The following TMEM117 variants were observed in gnomAD, a reference collection of about 807,000 sequenced individuals.
The protein encoded by TMEM117 is transmembrane protein 117.
Under a neutral mutation model 52.4 loss-of-function variants are expected in TMEM117, and 27 were observed. That is an observed-to-expected ratio of 0.51 (90% CI 0.38 to 0.71). The LOEUF is 0.71. Among genes scored for constraint, TMEM117 ranks in the 30% least tolerant of loss-of-function variants. The pLI is 0.00. For missense variants in TMEM117, 556 were observed against 630.5 expected, an observed-to-expected ratio of 0.88 and a Z score of 1.26; for synonymous variants, 215 against 206.3, an observed-to-expected ratio of 1.04 and a Z score of -0.36.
the TMEM117 span, chr12:43,805,870 C>G: frequency 9.8e-5 from 141 of 1,435,274 alleles, no homozygotes; most frequent in Admixed American, 2.4e-4. Flanking sequence ...GTCGCCTCCA[C>G]TGTCCCAGCT....
rs562360310 is a variant in TMEM117, at chr12:43,918,784, A to C, written c.278-25426A>C. Among the ~76,000 whole-genome samples, 388 of 152,308 alleles carry C rather than the reference A, an allele frequency of 2.5e-3. 2 individuals are homozygous for C. Among genetic ancestry groups the C allele is most frequent in the African/African-American group, 8.6e-3 (358 of 41,562 alleles). On this transcript the variant is annotated intron_variant, in intron 2 of 7. Transcript: ENST00000266534. Reference sequence around the variant, plus strand: ...TACCAACACTCAAAAGCATTTTAATATTCTCACCATGCCTCTGAAAATACT... The same window carrying C: ...TACCAACACTCAAAAGCATTTTAATCTTCTCACCATGCCTCTGAAAATACT...
chr12:43,929,464 C>T (rs992401541), intron 2 of TMEM117, among the ~76,000 whole-genome samples: 3 of 152,000 alleles, frequency 2.0e-5, no homozygotes, highest in Non-Finnish European at 2.9e-5. Flanking sequence ...TTTATTGACC[C>T]CTTCTGCCTT....
intron 2 of TMEM117, among the ~76,000 whole-genome samples, chr12:43,846,035 C>T (rs1943202094): frequency 6.6e-6 from 1 of 152,048 alleles, no homozygotes; most frequent in Non-Finnish European, 1.5e-5. Context: ...AGCACATTTT[C>T]ATTAAATATA....
the TMEM117 span, chr12:43,800,639 A>G: frequency 1.4e-5 from 11 of 784,742 alleles, no homozygotes; most frequent in African/African-American, 1.9e-4. Flanking sequence ...AACAAAACTG[A>G]GCTGAAGTCC....
At chr12:43,811,095 A>G in the TMEM117 span, among the ~76,000 whole-genome samples, 1 of 152,246 alleles carries the variant, frequency 6.6e-6, no homozygotes, top group Non-Finnish European at 1.5e-5. Flanking sequence ...TAACAAAACA[A>G]CTAATATTTG....
chr12:44,161,238 G>A (rs1179820163), intron 4 of TMEM117, among the ~76,000 whole-genome samples: 1 of 152,142 alleles, frequency 6.6e-6, no homozygotes, highest in African/African-American at 2.4e-5. Flanking sequence ...TTTTGCGTCT[G>A]TTCCTATCTT....
At chr12:44,208,805 C>A (rs17094235) in intron 4 of TMEM117, among the ~76,000 whole-genome samples, 35,246 of 136,716 alleles carry the variant, frequency 0.26, 7,497 homozygotes, top group African/African-American at 0.59. Context: ...CATTTTTACA[C>A]AACATGCAGC....
the TMEM117 span, among the ~76,000 whole-genome samples, chr12:43,823,954 T>A: frequency 6.6e-6 from 1 of 152,250 alleles, no homozygotes; most frequent in South Asian, 2.1e-4. Context: ...TAACAATAGT[T>A]TGACAAATTA....
intron 7 of TMEM117, among the ~76,000 whole-genome samples, chr12:44,381,970 G>A (rs567438666): frequency 2.0e-5 from 3 of 152,210 alleles, no homozygotes; most frequent in South Asian, 2.1e-4. Context: ...GAAAGTCCCC[G>A]AAGATCATGA....
At chr12:43,864,883 G>C (rs528713238) in intron 2 of TMEM117, among the ~76,000 whole-genome samples, 1 of 152,094 alleles carries the variant, frequency 6.6e-6, no homozygotes, top group East Asian at 1.9e-4. Flanking sequence ...GCCTTTATGA[G>C]CTGTAACACT....
chr12:44,257,418 C>T (rs573429577), intron 5 of TMEM117, among the ~76,000 whole-genome samples: 1 of 152,074 alleles, frequency 6.6e-6, no homozygotes, highest in Non-Finnish European at 1.5e-5. Context: ...CAGATCTTGA[C>T]ACAATGTCTA....
chr12:44,075,132 C>G (rs970970592), intron 3 of TMEM117, among the ~76,000 whole-genome samples: 3 of 152,088 alleles, frequency 2.0e-5, no homozygotes, highest in Non-Finnish European at 4.4e-5. Context: ...GAGACTAGAC[C>G]AGGGTTATTT....
intron 2 of TMEM117, among the ~76,000 whole-genome samples, chr12:43,933,933 G>A (rs3925073): frequency 0.17 from 26,290 of 152,064 alleles, 3,479 homozygotes; most frequent in African/African-American, 0.36. Context: ...TTATAAAAAT[G>A]GATTCAAAGA....
At chr12:44,024,487 T>C (rs1010820541) in intron 3 of TMEM117, among the ~76,000 whole-genome samples, 2 of 152,024 alleles carry the variant, frequency 1.3e-5, no homozygotes, top group Non-Finnish European at 2.9e-5. Flanking sequence ...AGGGGGATTA[T>C]TTAGTATCTC....
Position 44,090,839 on chromosome 12 carries a change from G to GTTTTTT in TMEM117, c.411-52682_411-52677dup, listed in dbSNP as rs1264179472. Among the ~76,000 whole-genome samples the GTTTTTT allele has an allele frequency of 5.4e-3, 566 of 104,702 alleles. 50 individuals carry two copies. The highest frequency in any genetic ancestry group is 0.021 in the African/African-American group (459 of 22,080). The allele number at this position is 104,702 out of a possible 152,430, so 68.7% of individuals were successfully genotyped here. ...CTAATTCTTAATCCTGTATTTATGTGTTTTTTTTTGTTTTTTTTTTTTTTT... is the reference window on the plus strand; with the variant it reads ...CTAATTCTTAATCCTGTATTTATGTGTTTTTTTTTTTTTTTGTTTTTTTTTTTTTTT... On this transcript the variant is annotated intron_variant, in intron 3 of 7. Coordinates refer to ENST00000266534, the MANE Select transcript of TMEM117 (RefSeq NM_032256.3).
chr12:43,885,512 A>C (rs1943978208), intron 2 of TMEM117, among the ~76,000 whole-genome samples: 1 of 151,480 alleles, frequency 6.6e-6, no homozygotes, highest in African/African-American at 2.4e-5. Context: ...ACATTAGGGA[A>C]ACGCAGCCAA....
intron 6 of TMEM117, among the ~76,000 whole-genome samples, chr12:44,315,109 G>A (rs1014649437): frequency 1.3e-5 from 2 of 152,000 alleles, no homozygotes; most frequent in Non-Finnish European, 2.9e-5. Context: ...TATCACCTTT[G>A]TTGTTTCAAA....
chr12:43,822,324 C>A, the TMEM117 span, among the ~76,000 whole-genome samples: 1 of 152,154 alleles, frequency 6.6e-6, no homozygotes, highest in Non-Finnish European at 1.5e-5. Context: ...ACATTACAAA[C>A]TTTGGTTTTT....
the TMEM117 span, chr12:43,798,514 A>G: frequency 2.7e-6 from 4 of 1,474,582 alleles, no homozygotes; most frequent in South Asian, 5.3e-5. Flanking sequence ...ATTCTACAGC[A>G]TAAATGATAT....
Sources: gnomAD v4.1 joint callset for allele counts (sites outside exome capture counted in the v4.1 genomes callset) on GRCh38, gnomAD v4.1.1 for gene constraint, MANE v1.5 for transcripts, NCBI Gene and HGNC (gene_info 2026-07-23, HGNC 2026-07-21) for gene names.